Variants in FRYL observed in about 807,000 individuals in gnomAD.
The protein encoded by FRYL is FRY like transcription coactivator, also known as protein furry homolog-like.
In FRYL, 150 loss-of-function variants were observed where a neutral mutation model predicts 351.2. The ratio of observed to expected loss-of-function variants is 0.43; its 90% CI spans 0.37 to 0.49. The LOEUF is 0.49. Ranked by LOEUF, FRYL falls within the 20% of genes least tolerant of loss-of-function variation. FRYL has a pLI of 0.00. For missense variants in FRYL, 3,036 were observed against 3,619.3 expected, an observed-to-expected ratio of 0.84 and a Z score of 4.13; for synonymous variants, 1,153 against 1,257.1, an observed-to-expected ratio of 0.92 and a Z score of 1.75.
chr4:48,657,353 C>CTTTTTTTTT (rs371640944), intron 3 of FRYL, among the ~76,000 whole-genome samples: 1 of 122,376 alleles, frequency 8.2e-6, no homozygotes, highest in Non-Finnish European at 1.7e-5. Context: ...CTTTTCTTTT[C>CTTTTTTTTT]TTTTTTTTTT....
chr4:48,746,983 T>C (rs1290867836), intron 1 of FRYL, among the ~76,000 whole-genome samples: 1 of 152,186 alleles, frequency 6.6e-6, no homozygotes, highest in Non-Finnish European at 1.5e-5. Flanking sequence ...AATGATTGTG[T>C]CTTTTAAAAA....
chr4:48,773,487 A>C (rs1181808599), intron 1 of FRYL, among the ~76,000 whole-genome samples: 1 of 152,142 alleles, frequency 6.6e-6, no homozygotes, highest in Non-Finnish European at 1.5e-5. Context: ...AGAACTCGAA[A>C]CCTAAATTGT....
chr4:48,715,151 C>A (rs1768620439), intron 1 of FRYL, among the ~76,000 whole-genome samples: 1 of 151,874 alleles, frequency 6.6e-6, no homozygotes, highest in Non-Finnish European at 1.5e-5. Context: ...CTATGACAAA[C>A]CCACAGCCCA....
chr4:48,598,415 A>AT (rs920647827), intron 13 of FRYL, among the ~76,000 whole-genome samples: 8 of 152,218 alleles, frequency 5.3e-5, no homozygotes, highest in African/African-American at 1.9e-4. Context: ...TATCCCATAA[A>AT]TATATACATC....
chr4:48,581,821 T>TG (rs1284929569), intron 20 of FRYL, among the ~76,000 whole-genome samples: 1 of 152,224 alleles, frequency 6.6e-6, no homozygotes, highest in African/African-American at 2.4e-5. Flanking sequence ...ACCTAACTTC[T>TG]ACCATTCTCT....
At chr4:48,716,754 T>G (rs180837822) in intron 1 of FRYL, among the ~76,000 whole-genome samples, 3 of 151,506 alleles carry the variant, frequency 2.0e-5, no homozygotes, top group Non-Finnish European at 4.4e-5. Flanking sequence ...CCATTTGACC[T>G]GGCCATACCA....
At chr4:48,758,709 G>A (rs1297243116) in intron 1 of FRYL, among the ~76,000 whole-genome samples, 1 of 152,198 alleles carries the variant, frequency 6.6e-6, no homozygotes, top group Non-Finnish European at 1.5e-5. Flanking sequence ...AATAACATTT[G>A]ACCCAGTCAT....
At chr4:48,775,218 G>A (rs367779222) in intron 1 of FRYL, among the ~76,000 whole-genome samples, 4 of 152,176 alleles carry the variant, frequency 2.6e-5, no homozygotes, top group East Asian at 1.9e-4. Context: ...AGGCTATGCC[G>A]AAAAATAAAC....
intron 2 of FRYL, among the ~76,000 whole-genome samples, chr4:48,689,918 G>T: frequency 7.2e-6 from 1 of 139,366 alleles, no homozygotes. Context: ...TTTTTGAGAC[G>T]GAGTCTCACT....
intron 33 of FRYL, among the ~76,000 whole-genome samples, chr4:48,559,658 G>C (rs1734983088): frequency 9.1e-6 from 1 of 110,064 alleles, no homozygotes; most frequent in Non-Finnish European, 1.9e-5. Context: ...GAGGGAGGGA[G>C]GGAGGGAGAG....
In FRYL at chr4:48,755,600, A is replaced by C. The variant is rs112284797; in HGVS notation, c.-384+24478T>G. On this transcript the variant is annotated intron_variant, in intron 1 of 63. Coordinates refer to ENST00000358350, the MANE Select transcript of FRYL (RefSeq NM_015030.2). ...ATACTGTACCTTATATGTTCTCCTG[A>C]CCCACACTCTAATAATCCTCTCTAA... 4.5e-3 allele frequency among the ~76,000 whole-genome samples: 680 copies of C among 152,300 alleles called. 4 individuals are homozygous for C. The highest frequency in any genetic ancestry group is 0.015 in the African/African-American group (631 of 41,566).
intron 53 of FRYL, 84 bp from the exon 54 acceptor site, chr4:48,523,188 C>A: frequency 1.1e-6 from 1 of 916,176 alleles, no homozygotes; most frequent in Non-Finnish European, 1.7e-6. Flanking sequence ...AAACATATAC[C>A]AAGATGAAAA....
At chr4:48,623,720 T>A (rs1453487312) in intron 4 of FRYL, among the ~76,000 whole-genome samples, 1 of 152,152 alleles carries the variant, frequency 6.6e-6, no homozygotes, top group African/African-American at 2.4e-5. Context: ...AATACTGGTA[T>A]CAGCAATATG....
At position 48,553,199 on chromosome 4, in the gene FRYL, T is replaced by C. The variant is rs772592169; in HGVS notation, c.4435+16A>G. 9.4e-6 allele frequency: 15 copies of C among 1,603,942 alleles called. No homozygotes were observed. The South Asian group carries it at 1.6e-4, about 17-fold the overall frequency. On this transcript the variant is annotated intron_variant, in intron 36 of 63. Coordinates refer to ENST00000358350, the MANE Select transcript of FRYL (RefSeq NM_015030.2). ...CTATCATCTCACACAGCAATCGGTTTTAACAAATTTCTCACCTGAGGTGAC... is the reference window on the plus strand; with the variant it reads ...CTATCATCTCACACAGCAATCGGTTCTAACAAATTTCTCACCTGAGGTGAC...
intron 59 of FRYL, among the ~76,000 whole-genome samples, chr4:48,509,332 A>G (rs1294832652): frequency 6.6e-6 from 1 of 152,242 alleles, no homozygotes; most frequent in African/African-American, 2.4e-5. Flanking sequence ...ATCTTAAATG[A>G]AGAGATCCAT....
chr4:48,750,240 C>T (rs1051018053), intron 1 of FRYL, among the ~76,000 whole-genome samples: 1 of 151,596 alleles, frequency 6.6e-6, no homozygotes, highest in African/African-American at 2.4e-5. Flanking sequence ...GCGAACAAAT[C>T]GCTTGAGTCC....
intron 1 of FRYL, among the ~76,000 whole-genome samples, chr4:48,753,008 A>G (rs1773410117): frequency 6.6e-6 from 1 of 151,984 alleles, no homozygotes; most frequent in Admixed American, 6.6e-5. Context: ...GGTCGGGGGG[A>G]GTGAGCAGGG....
intron 42 of FRYL, among the ~76,000 whole-genome samples, chr4:48,545,282 C>T (rs1360460990): frequency 1.3e-5 from 2 of 152,164 alleles, no homozygotes; most frequent in Non-Finnish European, 2.9e-5. Flanking sequence ...GCTAAAACTA[C>T]AGGGAAAGTT....
In FRYL at chr4:48,657,353, C is replaced by CTTT. The variant is rs371640944; in HGVS notation, c.-80-22866_-80-22864dup. ...GCCCAGCTGATTTTTCTTTTCTTTTCTTTTTTTTTTTTTTTTTTTGGAGAA... is the reference window on the plus strand; with the variant it reads ...GCCCAGCTGATTTTTCTTTTCTTTTCTTTTTTTTTTTTTTTTTTTTTTGGAGAA... On this transcript the variant is annotated intron_variant, in intron 3 of 63. Transcript: ENST00000358350. Among the ~76,000 whole-genome samples the CTTT allele has an allele frequency of 1.6e-3, 190 of 122,358 alleles. 1 individual carries two copies. The highest frequency in any genetic ancestry group is 5.2e-3 in the African/African-American group (169 of 32,766). The allele number at this position is 122,358 out of a possible 152,430, so 80.3% of individuals were successfully genotyped here.
Sources: allele counts gnomAD v4.1 joint callset (sites outside exome capture counted in the v4.1 genomes callset), GRCh38; gene constraint gnomAD v4.1.1; transcripts MANE v1.5; gene names NCBI Gene and HGNC (gene_info 2026-07-23, HGNC 2026-07-21).